The following MED24 variants were observed in gnomAD, a reference collection of about 807,000 sequenced individuals.
The protein encoded by MED24 is mediator of RNA polymerase II transcription subunit 24.
MED24 carries 74 observed loss-of-function variants against 118.8 expected under a neutral mutation model. The ratio of observed to expected loss-of-function variants is 0.62; its 90% confidence interval spans 0.52 to 0.76. MED24 has a LOEUF of 0.76. Among genes scored for constraint, MED24 ranks in the 30% least tolerant of loss-of-function variants. The pLI is 0.00. For synonymous variants in MED24, 521 were observed against 523.9 expected (o/e 0.99, Z 0.08); for missense variants, 1,041 against 1,278.9 (o/e 0.81, Z 2.84).
chr17:40,041,493 C>T (rs2144952333), intron 3 of MED24, among the ~76,000 whole-genome samples: 1 of 152,280 alleles, frequency 6.6e-6, no homozygotes, highest in South Asian at 2.1e-4. Context: ...ACTTCTAAAC[C>T]AAAAGCTCCA....
chr17:40,020,928 C>T (rs1981904516), intron 23 of MED24, among the ~76,000 whole-genome samples: 1 of 151,798 alleles, frequency 6.6e-6, no homozygotes, highest in Non-Finnish European at 1.5e-5. Context: ...CAAAAATTAG[C>T]CAGGCGTTGT....
At chr17:40,046,533 C>G (rs1348779278) in intron 3 of MED24, among the ~76,000 whole-genome samples, 3 of 148,464 alleles carry the variant, frequency 2.0e-5, no homozygotes, top group African/African-American at 7.4e-5. Context: ...ATCATGAGGT[C>G]AGGAGATCGA....
chr17:40,035,426 C>T, intron 5 of MED24, 77 bp from the exon 6 acceptor site: 4 of 1,399,324 alleles, frequency 2.9e-6, no homozygotes, highest in Non-Finnish European at 3.8e-6. Context: ...TCCCCAGAGT[C>T]CCTGGCACTC....
intron 3 of MED24, among the ~76,000 whole-genome samples, chr17:40,046,122 T>C (rs1190290810): frequency 3.5e-5 from 5 of 143,066 alleles, no homozygotes; most frequent in South Asian, 2.2e-4. Context: ...AGTCTCACTG[T>C]TGCCCAGGCT....
At chr17:40,053,228 G>A (rs1986030276) in intron 3 of MED24, 70 bp downstream of exon 3, 5 of 1,407,348 alleles carry the variant, frequency 3.6e-6, no homozygotes, top group African/African-American at 1.4e-5. Context: ...AACCACCGGG[G>A]CCCAAATGCA....
At chr17:40,039,637 C>T (rs986322380) in intron 3 of MED24, among the ~76,000 whole-genome samples, 1 of 152,036 alleles carries the variant, frequency 6.6e-6, no homozygotes, top group Non-Finnish European at 1.5e-5. Context: ...CATCTCAAGA[C>T]TCTTCTATTG....
intron 23 of MED24, among the ~76,000 whole-genome samples, chr17:40,021,692 G>A (rs530199434): frequency 5.5e-5 from 1 of 18,274 alleles, no homozygotes; most frequent in South Asian, 1.6e-3. Context: ...GGGTAAGGGA[G>A]GGGCAGGAGG....
At chr17:40,034,852 C>CGGGGGGGGGGGGGGG in intron 6 of MED24, 1 of 386,866 alleles carries the variant, frequency 2.6e-6, no homozygotes, top group Non-Finnish European at 4.7e-6. Context: ...CCTTTGGTAG[C>CGGGGGGGGGGGGGGG]CCCCCACCCC....
rs1006176255 is a variant in MED24, at chr17:40,019,782, C to T, written c.2853+3G>A. ...GCAGGAGAGCCGGGAAGGTGGTACT[C>T]ACGGTGGTGAAGGGCATGAACTGCA... On this transcript the variant is annotated splice_donor_region_variant and intron_variant, in intron 25 of 25. Coordinates refer to ENST00000394128, the MANE Select transcript of MED24 (RefSeq NM_014815.4). 15 of 1,611,862 alleles carry T rather than the reference C, an allele frequency of 9.3e-6. No individual in the cohort carries two copies. The highest frequency in any genetic ancestry group is 1.2e-5 in the Non-Finnish European group (14 of 1,178,918).
intron 14 of MED24, among the ~76,000 whole-genome samples, chr17:40,028,502 C>T (rs912578726): frequency 1.3e-5 from 2 of 152,138 alleles, no homozygotes; most frequent in Non-Finnish European, 2.9e-5. Context: ...AATTCCAGGG[C>T]AATCAAAAAA....
In MED24 at chr17:40,019,428, G is replaced by A. The variant is rs1598325778; in HGVS notation, c.*101C>T. On this transcript the variant is annotated 3_prime_UTR_variant, in exon 26 of 26. Transcript: ENST00000394128. ...GCTAGAGGCTCTTGCACCATGTGGA[G>A]CGGATGTGAGGCACGATGCCTCATC... 1.1e-6 allele frequency: 1 copy of A among 941,430 alleles called. No homozygotes were observed. Among genetic ancestry groups the A allele is most frequent in the Non-Finnish European group, 1.7e-6 (1 of 602,612 alleles). 58.3% of individuals were successfully genotyped at this position (941,430 alleles called of 1,614,324 possible).
Position 40,031,235 on chromosome 17 carries a change from TAC to T in MED24, c.1076_1077del (p.Cys359TyrfsTer16). On this transcript the variant is annotated frameshift_variant, in exon 12 of 26. Transcript: ENST00000394128. LOFTEE classifies it high-confidence loss of function. The stretch of plus-strand genomic sequence containing the variant: ...CCACATTCTTGGAGCAGGAAGTTTG[TAC>T]AGTCACAGCTGTGAGGGAGAAAGAT... ...DKADQRCNCD[C>X]TNFLLQECGK... 1.3e-6 allele frequency: 2 copies of T among 1,566,620 alleles called. No homozygotes were observed. Among genetic ancestry groups the T allele is most frequent in the Non-Finnish European group, 1.7e-6 (2 of 1,154,506 alleles).
chr17:40,023,696 TC>T, intron 19 of MED24: 1 of 312,004 alleles, frequency 3.2e-6, no homozygotes, highest in East Asian at 6.8e-5. Flanking sequence ...ACTTCCCCCA[TC>T]CCCCAGGCCT....
intron 14 of MED24, among the ~76,000 whole-genome samples, chr17:40,028,451 G>A (rs1226394870): frequency 6.6e-6 from 1 of 152,170 alleles, no homozygotes; most frequent in Non-Finnish European, 1.5e-5. Flanking sequence ...CCAAGGCCTA[G>A]AGAATGGCTC....
intron 14 of MED24, 142 bp downstream of exon 14, chr17:40,028,684 G>T: frequency 2.5e-6 from 3 of 1,209,378 alleles, no homozygotes; most frequent in Non-Finnish European, 3.5e-6. Context: ...CTTCCTCCAA[G>T]ATCTCCAGCC....
Position 40,053,367 on chromosome 17 carries a change from C to T in MED24, c.144G>A (p.Glu48=), listed in dbSNP as rs771070229. The T allele has an allele frequency of 1.1e-5, 18 of 1,613,388 alleles. No homozygotes were observed. The South Asian group carries it at 1.2e-4, about 11-fold the overall frequency. The change falls in exon 3 of 26, where the codon GAG becomes GAA. Residue 48 remains glutamate (E), a synonymous_variant. Transcript: ENST00000394128. The stretch of plus-strand genomic sequence containing the variant: ...TGGGGGATGGTCCAATCATGGCCTG[C>T]TCTAGTAACGCATCTGCAAGAGGAA... ...DILNLADALL[E]QAMIGPSPNP...
chr17:40,035,033 T>G, intron 6 of MED24, 84 bp downstream of exon 6: 1 of 1,611,454 alleles, frequency 6.2e-7, no homozygotes, highest in Non-Finnish European at 8.5e-7. Context: ...AGAGGTGGGA[T>G]GGCATCCTGC....
chr17:40,020,521 C>T (rs895820204), intron 23 of MED24, 168 bp from the exon 24 acceptor site: 2 of 1,473,612 alleles, frequency 1.4e-6, no homozygotes, highest in South Asian at 1.2e-5. Context: ...GGTACAGTGG[C>T]TCACACCTGT....
intron 19 of MED24, among the ~76,000 whole-genome samples, chr17:40,024,652 A>G (rs999473966): frequency 6.6e-6 from 1 of 152,268 alleles, no homozygotes; most frequent in African/African-American, 2.4e-5. Flanking sequence ...TATTCACTAT[A>G]GCCCAAAGGT....
Sources: gnomAD v4.1 joint callset for allele counts (sites outside exome capture counted in the v4.1 genomes callset) on GRCh38, gnomAD v4.1.1 for gene constraint, MANE v1.5 for transcripts, NCBI Gene and HGNC (gene_info 2026-07-23, HGNC 2026-07-21) for gene names.